COBLL1: variants seen among roughly 807,000 people sequenced by gnomAD.
COBLL1 encodes cordon-bleu WH2 repeat protein like 1.
COBLL1 carries 50 observed loss-of-function variants against 94.8 expected under a neutral mutation model. The observed-to-expected ratio is 0.53, with a 90% CI of 0.42 to 0.67. COBLL1 has a LOEUF of 0.67. Ranked by LOEUF, COBLL1 falls within the 30% of genes least tolerant of loss-of-function variation. COBLL1 has a pLI of 0.00. For synonymous variants in COBLL1, 448 were observed against 473.8 expected (o/e 0.95, Z 0.71); for missense variants, 1,362 against 1,348.7 (o/e 1.01, Z -0.15).
chr2:164,773,461 A>C (rs2105256021), intron 2 of COBLL1, among the ~76,000 whole-genome samples: 1 of 152,258 alleles, frequency 6.6e-6, no homozygotes, highest in South Asian at 2.1e-4. Context: ...ATATACATTT[A>C]ATCATTACAT....
chr2:164,707,572 T>C (rs1202524489), intron 7 of COBLL1, among the ~76,000 whole-genome samples: 1 of 152,204 alleles, frequency 6.6e-6, no homozygotes, highest in South Asian at 2.1e-4. Context: ...GCCTTGTACA[T>C]TGTCTGCTCC....
chr2:164,674,396 C>T (rs1333788142), intron 1 of COBLL1, among the ~76,000 whole-genome samples: 2 of 152,096 alleles, frequency 1.3e-5, no homozygotes, highest in Admixed American at 6.5e-5. Context: ...TTTCAACAAA[C>T]ATTTATTGCA....
chr2:164,815,355 T>C (rs974228787), intron 2 of COBLL1, among the ~76,000 whole-genome samples: 4 of 148,262 alleles, frequency 2.7e-5, no homozygotes, highest in Non-Finnish European at 4.4e-5. Flanking sequence ...GCCGAGGTCA[T>C]GCTACTGCAC....
chr2:164,762,508 A>C (rs1162117236), intron 2 of COBLL1, among the ~76,000 whole-genome samples: 1 of 152,208 alleles, frequency 6.6e-6, no homozygotes, highest in Non-Finnish European at 1.5e-5. Context: ...GTATCAATCC[A>C]ACATATACTG....
At chr2:164,664,081 A>G (rs995801576) in intron 2 of COBLL1, among the ~76,000 whole-genome samples, 32 of 152,372 alleles carry the variant, frequency 2.1e-4, no homozygotes, top group African/African-American at 7.2e-4. Flanking sequence ...AGATGAAGTG[A>G]CAGCTTCCCA....
intron 7 of COBLL1, among the ~76,000 whole-genome samples, chr2:164,715,733 T>C (rs1227803382): frequency 6.6e-6 from 1 of 152,048 alleles, no homozygotes; most frequent in East Asian, 1.9e-4. Context: ...TGCATAATAC[T>C]AGATGGCAAA....
chr2:164,737,969 G>A (rs149170714), intron 3 of COBLL1, among the ~76,000 whole-genome samples: 9 of 152,284 alleles, frequency 5.9e-5, no homozygotes, highest in African/African-American at 2.2e-4. Flanking sequence ...AGCCCAGAGA[G>A]GTGAGGTGAC....
At chr2:164,672,612 T>C (rs1691260317) in intron 1 of COBLL1, among the ~76,000 whole-genome samples, 1 of 143,812 alleles carries the variant, frequency 7.0e-6, no homozygotes, top group African/African-American at 2.6e-5. Context: ...GGCAGGAGAA[T>C]GGCGTGAACC....
chr2:164,688,763 A>T (rs201997340), intron 13 of COBLL1, among the ~76,000 whole-genome samples: 1 of 152,162 alleles, frequency 6.6e-6, no homozygotes, highest in East Asian at 1.9e-4. Flanking sequence ...AGCCAGCAAG[A>T]TTCTGTGTGA....
chr2:164,768,351 G>A (rs650330), intron 2 of COBLL1, among the ~76,000 whole-genome samples: 35,453 of 151,992 alleles, frequency 0.23, 4,793 homozygotes, highest in African/African-American at 0.37. Flanking sequence ...CAGGCCACAT[G>A]CAGCCCAGGA....
intron 2 of COBLL1, among the ~76,000 whole-genome samples, chr2:164,803,582 T>TAAATAAAATAAAATAAAATA (rs141238166): frequency 2.3e-4 from 33 of 146,422 alleles, no homozygotes; most frequent in African/African-American, 7.5e-4. Context: ...AATAAATAAA[T>TAAATAAAATAAAATAAAATA]AAATAAAATA....
chr2:164,765,515 G>A (rs928833294), intron 2 of COBLL1, among the ~76,000 whole-genome samples: 3 of 152,008 alleles, frequency 2.0e-5, no homozygotes, highest in Admixed American at 6.6e-5. Context: ...TATCTGTTAC[G>A]ATATATAACA....
In COBLL1 at chr2:164,806,639, C is replaced by A. The variant is rs76474406; in HGVS notation, c.41+34517G>T. ...TGGAGGGTAGCCCTTTGATAACTTT[C>A]TTCATAATTTTCATTCTATTATTGA... is the stretch of plus-strand genomic sequence containing the variant. On this transcript the variant is annotated intron_variant, in intron 2 of 13. Transcript: ENST00000652658. Among the ~76,000 whole-genome samples, 1,179 of 152,214 alleles carry A rather than the reference C, an allele frequency of 7.7e-3. 13 individuals carry two copies. The highest frequency in any genetic ancestry group is 0.027 in the African/African-American group (1,113 of 41,534).
rs1559047147 is a variant in COBLL1, at chr2:164,818,783, C to CATATATATAT, written c.41+22372_41+22373insATATATATAT. Among the ~76,000 whole-genome samples, 779 of 117,542 alleles carry CATATATATAT rather than the reference C, an allele frequency of 6.6e-3. 12 individuals are homozygous for CATATATATAT. The highest frequency in any genetic ancestry group is 0.022 in the African/African-American group (748 of 34,500). The allele number at this position is 117,542 out of a possible 152,430, so 77.1% of individuals were successfully genotyped here. A position where few individuals can be genotyped will look rare whatever the true frequency, so the allele number is the denominator to read the frequency against. ...ACTTATGTAAACATATATATATATA[C>CATATATATAT]ATATAATTTTTTTTCGAGATCTTGC... On this transcript the variant is annotated intron_variant, in intron 2 of 13. Coordinates refer to ENST00000652658, the MANE Select transcript of COBLL1 (RefSeq NM_001365672.2).
intron 7 of COBLL1, among the ~76,000 whole-genome samples, chr2:164,707,987 A>G (rs533265262): frequency 5.8e-4 from 89 of 152,266 alleles, no homozygotes; most frequent in African/African-American, 1.8e-3. Flanking sequence ...CTCTTTGCCA[A>G]CTGTGTTAGG....
rs180691510 is a variant in COBLL1, at chr2:164,821,521, C to T, written c.41+19635G>A. Among the ~76,000 whole-genome samples, 23 of 152,174 alleles carry T rather than the reference C, an allele frequency of 1.5e-4. No individual in the cohort carries two copies. The East Asian group carries it at 3.9e-3, about 26-fold the overall frequency. ...TGAGTGTTCCCAGTCTGTGTACAAGCGATAAAACCCAAGCCATAGATATGG... is the reference window on the plus strand; with the variant it reads ...TGAGTGTTCCCAGTCTGTGTACAAGTGATAAAACCCAAGCCATAGATATGG... On this transcript the variant is annotated intron_variant, in intron 2 of 13. Transcript: ENST00000652658.
At chr2:164,781,299 C>G (rs1688714151) in intron 2 of COBLL1, among the ~76,000 whole-genome samples, 1 of 152,082 alleles carries the variant, frequency 6.6e-6, no homozygotes, top group Admixed American at 6.6e-5. Flanking sequence ...ATGGCCCATG[C>G]CTGTGATAAC....
intron 7 of COBLL1, among the ~76,000 whole-genome samples, chr2:164,714,146 T>C (rs1251379652): frequency 8.0e-6 from 1 of 124,310 alleles, no homozygotes; most frequent in East Asian, 2.1e-4. Context: ...CTAGGCACAA[T>C]AGAAAGAAAC....
rs1241633723 is a variant in COBLL1 at position 164,766,928 on chromosome 2, C to T, written c.42-23053G>A. On this transcript the variant is annotated intron_variant, in intron 2 of 13. Coordinates refer to ENST00000652658, the MANE Select transcript of COBLL1 (RefSeq NM_001365672.2). Reference sequence around the variant, plus strand: ...AGAAATATTTTGATTATGATTAAAACAGTATAATAACCACAAGCCTCTACT... The same window carrying T: ...AGAAATATTTTGATTATGATTAAAATAGTATAATAACCACAAGCCTCTACT... 2.0e-5 allele frequency among the ~76,000 whole-genome samples: 3 copies of T among 152,252 alleles called. No individual in the cohort carries two copies. In the East Asian group the frequency reaches 5.8e-4, roughly 29 times the overall value.
Sources: allele counts gnomAD v4.1 joint callset (sites outside exome capture counted in the v4.1 genomes callset), GRCh38; gene constraint gnomAD v4.1.1; transcripts MANE v1.5; gene names NCBI Gene and HGNC (gene_info 2026-07-23, HGNC 2026-07-21).